Variants in OSBPL10 observed in about 807,000 individuals in gnomAD.
OSBPL10 encodes the protein oxysterol binding protein like 10, also known as oxysterol-binding protein-related protein 10.
Under a neutral mutation model 81.7 loss-of-function variants are expected in OSBPL10, and 49 were observed. That is an observed-to-expected ratio of 0.60 (90% confidence interval 0.48 to 0.76). The LOEUF is 0.76. Among genes scored for constraint, OSBPL10 ranks in the 30% least tolerant of loss-of-function variants. OSBPL10 has a pLI of 0.00. For synonymous variants in OSBPL10, 419 were observed against 383.6 expected, an observed-to-expected ratio of 1.09 and a Z score of -1.08; for missense variants, 923 against 987.8, an observed-to-expected ratio of 0.93 and a Z score of 0.88.
chr3:31,699,201 G>T (rs1410809151), intron 7 of OSBPL10, among the ~76,000 whole-genome samples: 1 of 152,142 alleles, frequency 6.6e-6, no homozygotes, highest in Non-Finnish European at 1.5e-5. Context: ...AGGATCTCCT[G>T]AATACCACAT....
intron 8 of OSBPL10, among the ~76,000 whole-genome samples, chr3:31,673,450 T>C (rs1271191105): frequency 2.0e-5 from 3 of 152,140 alleles, no homozygotes; most frequent in African/African-American, 7.2e-5. Flanking sequence ...CAAATATCCC[T>C]CTCTACTCAA....
chr3:31,761,813 T>TTAAAAAAAAAA (rs1440652912), intron 4 of OSBPL10, among the ~76,000 whole-genome samples: 5 of 107,552 alleles, frequency 4.6e-5, no homozygotes, highest in Admixed American at 8.3e-5. Flanking sequence ...AGACTGTCTC[T>TTAAAAAAAAAA]AAAAAAAAAA....
intron 4 of OSBPL10, chr3:31,796,098 G>C (rs1361253607): frequency 1.7e-5 from 3 of 171,462 alleles, no homozygotes; most frequent in Non-Finnish European, 4.0e-5. Context: ...GGAGATCAGT[G>C]CAAGGAATGT....
At chr3:31,942,134 G>T (rs1348841500) in intron 1 of OSBPL10, among the ~76,000 whole-genome samples, 1 of 152,136 alleles carries the variant, frequency 6.6e-6, no homozygotes. Context: ...AATTAGCTGG[G>T]CGTGACGGCA....
chr3:31,705,057 C>G (rs1001816041), intron 6 of OSBPL10: 5 of 152,230 alleles, frequency 3.3e-5, no homozygotes, highest in African/African-American at 1.2e-4. Context: ...GCTGAGTCAT[C>G]CGGGATGACT....
At chr3:31,850,522 G>A (rs556957358) in intron 3 of OSBPL10, among the ~76,000 whole-genome samples, 1 of 152,048 alleles carries the variant, frequency 6.6e-6, no homozygotes, top group Non-Finnish European at 1.5e-5. Flanking sequence ...AAAGAGCAAA[G>A]GGGCAGCAAA....
chr3:31,767,345 G>A (rs1698232326), intron 4 of OSBPL10, among the ~76,000 whole-genome samples: 1 of 152,136 alleles, frequency 6.6e-6, no homozygotes. Context: ...GAAAGTACAG[G>A]ATCTAAAAAA....
chr3:31,686,402 TTCTA>T (rs1432219574), intron 7 of OSBPL10, among the ~76,000 whole-genome samples: 1 of 152,176 alleles, frequency 6.6e-6, no homozygotes, highest in Non-Finnish European at 1.5e-5. Context: ...TTTAATGCTT[TTCTA>T]TCTTTCATTT....
chr3:31,892,695 G>C (rs1010748442), intron 1 of OSBPL10, among the ~76,000 whole-genome samples: 1 of 152,178 alleles, frequency 6.6e-6, no homozygotes, highest in African/African-American at 2.4e-5. Context: ...GGGCAGCAGG[G>C]TTCTGCTGCC....
In OSBPL10 at chr3:31,868,928, T is replaced by C. The variant is rs575899300; in HGVS notation, c.537+7505A>G. Among the ~76,000 whole-genome samples, 45 of 152,344 alleles carry C rather than the reference T, an allele frequency of 3.0e-4. 1 individual carries two copies. The highest frequency in any genetic ancestry group is 1.1e-3 in the African/African-American group (45 of 41,574). ...ATCCTACATTCTTTGATGTGGTCAC[T>C]TGAAAATAATAAGGCCTATCTAAAA... On this transcript the variant is annotated intron_variant, in intron 3 of 11. Transcript: ENST00000396556.
intron 2 of OSBPL10, among the ~76,000 whole-genome samples, chr3:32,013,141 A>G (rs923012954): frequency 6.6e-6 from 1 of 152,178 alleles, no homozygotes; most frequent in African/African-American, 2.4e-5. Context: ...CAGAATATAC[A>G]TTCTTCTCAG....
intron 7 of OSBPL10, among the ~76,000 whole-genome samples, 159 bp from the exon 8 acceptor site, chr3:31,684,273 C>T (rs577989524): frequency 1.2e-4 from 18 of 152,330 alleles, no homozygotes; most frequent in South Asian, 6.2e-4. Flanking sequence ...CCAAGGGAAA[C>T]AATATCAAAG....
At chr3:31,755,883 T>C (rs977222161) in intron 4 of OSBPL10, among the ~76,000 whole-genome samples, 3 of 152,246 alleles carry the variant, frequency 2.0e-5, no homozygotes, top group Non-Finnish European at 4.4e-5. Context: ...ATAAGCCTTC[T>C]GCAGTTCCAA....
At chr3:31,686,563 C>CT (rs1272856539) in intron 7 of OSBPL10, among the ~76,000 whole-genome samples, 7 of 152,192 alleles carry the variant, frequency 4.6e-5, no homozygotes, top group East Asian at 1.9e-4. Context: ...GATTTTAACA[C>CT]TTTTTTTTCT....
At chr3:32,073,825 CA>C (rs1184307578) in intron 1 of OSBPL10, among the ~76,000 whole-genome samples, 1 of 152,124 alleles carries the variant, frequency 6.6e-6, no homozygotes, top group East Asian at 1.9e-4. Flanking sequence ...GTGCTATCCC[CA>C]AACCGCCACT....
chr3:32,057,462 A>C (rs28593701), intron 1 of OSBPL10, among the ~76,000 whole-genome samples: 3,401 of 152,284 alleles, frequency 0.022, 118 homozygotes, highest in African/African-American at 0.074. Context: ...AAAGAGGTTT[A>C]ATTGACTCAC....
chr3:32,023,250 C>T (rs550500667), intron 2 of OSBPL10, among the ~76,000 whole-genome samples: 8 of 152,136 alleles, frequency 5.3e-5, no homozygotes, highest in Admixed American at 1.3e-4. Flanking sequence ...ATCATGGGGG[C>T]GAGTCTCTCC....
chr3:31,954,601 A>ATGGTG (rs1257709025), intron 1 of OSBPL10, among the ~76,000 whole-genome samples: 1 of 152,144 alleles, frequency 6.6e-6, no homozygotes, highest in Admixed American at 6.5e-5. Flanking sequence ...AGGGGGAAGG[A>ATGGTG]TGGTGGTTGC....
At chr3:31,892,494 C>T (rs766626070) in intron 1 of OSBPL10, among the ~76,000 whole-genome samples, 6 of 152,094 alleles carry the variant, frequency 3.9e-5, no homozygotes, top group African/African-American at 9.7e-5. Context: ...TTTCTCTCAA[C>T]GTGACGACTG....
Sources: gnomAD v4.1 joint callset for allele counts (sites outside exome capture counted in the v4.1 genomes callset) on GRCh38, gnomAD v4.1.1 for gene constraint, MANE v1.5 for transcripts, NCBI Gene and HGNC (gene_info 2026-07-23, HGNC 2026-07-21) for gene names.